Variants in MSRB3 observed in about 807,000 individuals in gnomAD.
MSRB3 encodes the protein methionine sulfoxide reductase B3.
MSRB3 carries 13 observed loss-of-function variants against 21.0 expected under a neutral mutation model. The observed-to-expected ratio is 0.62, with a 90% CI of 0.40 to 0.98. MSRB3 has a LOEUF of 0.98. Ranked by LOEUF, MSRB3 falls within the 50% of genes least tolerant of loss-of-function variation. MSRB3 has a pLI of 0.00. For missense variants in MSRB3, 199 were observed against 230.3 expected (o/e 0.86, Z 0.88); for synonymous variants, 87 against 88.6 (o/e 0.98, Z 0.10).
chr12:65,329,116 A>T lies in MSRB3; in HGVS notation c.263+513A>T, dbSNP rs561085031. Among the ~76,000 whole-genome samples, 56 of 152,346 alleles carry T rather than the reference A, an allele frequency of 3.7e-4. 1 individual carries two copies. Among genetic ancestry groups the T allele is most frequent in the Non-Finnish European group, 7.1e-4 (48 of 68,018 alleles). ...GTAATATGAGGTTAACAGTTTTTGC[A>T]TAGATTCAAAATCTTTATTTTAAAG... On this transcript the variant is annotated intron_variant, in intron 4 of 6. Transcript: ENST00000308259.
intron 5 of MSRB3, among the ~76,000 whole-genome samples, chr12:65,391,972 G>T (rs1174267267): frequency 3.9e-5 from 6 of 152,146 alleles, no homozygotes; most frequent in African/African-American, 1.4e-4. Flanking sequence ...TCAAGGGCCT[G>T]CCTGATTTTC....
At chr12:65,318,560 T>A (rs1264621570) in intron 2 of MSRB3, among the ~76,000 whole-genome samples, 1 of 152,096 alleles carries the variant, frequency 6.6e-6, no homozygotes, top group Non-Finnish European at 1.5e-5. Flanking sequence ...AAAAAAAAAT[T>A]AAAAACAGGG....
At chr12:65,337,026 G>C (rs893427137) in intron 4 of MSRB3, among the ~76,000 whole-genome samples, 5 of 152,082 alleles carry the variant, frequency 3.3e-5, no homozygotes, top group Non-Finnish European at 7.4e-5. Flanking sequence ...GGCGGATCAC[G>C]AGGTCAAGAG....
chr12:65,450,840 A>T (rs1592649224), intron 5 of MSRB3, among the ~76,000 whole-genome samples: 1 of 152,176 alleles, frequency 6.6e-6, no homozygotes, highest in African/African-American at 2.4e-5. Context: ...AGCAGTGAAG[A>T]GTTCCTTCTT....
At chr12:65,404,235 A>G (rs902845842) in intron 5 of MSRB3, among the ~76,000 whole-genome samples, 4 of 152,234 alleles carry the variant, frequency 2.6e-5, no homozygotes, top group African/African-American at 9.6e-5. Context: ...CACTGTGCCC[A>G]GCTCTGGTTA....
At chr12:65,388,263 T>C (rs1879294349) in intron 5 of MSRB3, among the ~76,000 whole-genome samples, 1 of 152,148 alleles carries the variant, frequency 6.6e-6, no homozygotes, top group South Asian at 2.1e-4. Context: ...TTTGGGCCAA[T>C]GAATGAGAAA....
chr12:65,415,647 A>C (rs1880930509), intron 5 of MSRB3, among the ~76,000 whole-genome samples: 2 of 152,190 alleles, frequency 1.3e-5, no homozygotes, highest in African/African-American at 4.8e-5. Context: ...GAATTTAGGG[A>C]AATTGGAATA....
intron 2 of MSRB3, among the ~76,000 whole-genome samples, chr12:65,320,152 A>G (rs890743343): frequency 6.6e-6 from 1 of 152,222 alleles, no homozygotes; most frequent in African/African-American, 2.4e-5. Flanking sequence ...TGTGAAGTAA[A>G]ACAGCAAGAA....
intron 5 of MSRB3, among the ~76,000 whole-genome samples, chr12:65,376,681 G>A (rs1025168076): frequency 6.6e-6 from 1 of 152,104 alleles, no homozygotes; most frequent in African/African-American, 2.4e-5. Flanking sequence ...GGCCCGTCAG[G>A]GGGTGGGGGG....
intron 1 of MSRB3, among the ~76,000 whole-genome samples, chr12:65,303,062 G>A (rs1467427266): frequency 6.6e-6 from 1 of 151,910 alleles, no homozygotes; most frequent in African/African-American, 2.4e-5. Context: ...AAAACTGTTG[G>A]CTCCTACAGT....
intron 4 of MSRB3, among the ~76,000 whole-genome samples, chr12:65,363,509 A>G (rs143067609): frequency 0.011 from 1,727 of 152,318 alleles, 41 homozygotes; most frequent in African/African-American, 0.04. Flanking sequence ...AGCATTCATG[A>G]TACTCGAATT....
At position 65,339,639 on chromosome 12, in the gene MSRB3, G is replaced by T. The variant is rs143942519; in HGVS notation, c.263+11036G>T. Among the ~76,000 whole-genome samples, 67 of 152,162 alleles carry T rather than the reference G, an allele frequency of 4.4e-4. 1 individual carries two copies. In the East Asian group the frequency reaches 9.8e-3, roughly 22 times the overall value. On this transcript the variant is annotated intron_variant, in intron 4 of 6. Coordinates refer to ENST00000308259, the MANE Select transcript of MSRB3 (RefSeq NM_001031679.3). ...AAATAATTGGGAAGAGATGAATTTT[G>T]AATATTTATTTTCTTTGTTTTTAAT...
intron 5 of MSRB3, among the ~76,000 whole-genome samples, chr12:65,374,544 G>A (rs1878493567): frequency 6.6e-6 from 1 of 152,124 alleles, no homozygotes; most frequent in Non-Finnish European, 1.5e-5. Flanking sequence ...TTAAACATAA[G>A]CCAATTTATT....
chr12:65,374,486 C>A (rs985812842), intron 5 of MSRB3, among the ~76,000 whole-genome samples: 1 of 152,158 alleles, frequency 6.6e-6, no homozygotes, highest in Non-Finnish European at 1.5e-5. Context: ...GGAGGCCTAA[C>A]AAGACTAAAA....
At chr12:65,318,925 G>A (rs188954535) in intron 2 of MSRB3, among the ~76,000 whole-genome samples, 110 of 152,200 alleles carry the variant, frequency 7.2e-4, no homozygotes, top group African/African-American at 2.6e-3. Flanking sequence ...ATGAAAGATA[G>A]AAAAGTAAAA....
chr12:65,363,038 G>C (rs1877801718), intron 4 of MSRB3, among the ~76,000 whole-genome samples: 3 of 152,154 alleles, frequency 2.0e-5, no homozygotes, highest in Admixed American at 2.0e-4. Context: ...TCTTGCTGTA[G>C]AGTTGCCATA....
chr12:65,408,008 G>T (rs1880511274), intron 5 of MSRB3, among the ~76,000 whole-genome samples: 2 of 151,102 alleles, frequency 1.3e-5, no homozygotes, highest in South Asian at 2.1e-4. Context: ...TTAAATTCCT[G>T]GTCTGATTAT....
intron 4 of MSRB3, among the ~76,000 whole-genome samples, chr12:65,339,868 G>A (rs577135640): frequency 1.3e-5 from 2 of 152,218 alleles, no homozygotes; most frequent in East Asian, 3.9e-4. Flanking sequence ...AATTGATTAA[G>A]GTGATCTTTC....
chr12:65,348,740 C>G (rs1876711005), intron 4 of MSRB3, among the ~76,000 whole-genome samples: 1 of 152,066 alleles, frequency 6.6e-6, no homozygotes, highest in African/African-American at 2.4e-5. Context: ...ATAAATTTCC[C>G]CCTACACACG....
Sources: gnomAD v4.1 joint callset for allele counts (sites outside exome capture counted in the v4.1 genomes callset) on GRCh38, gnomAD v4.1.1 for gene constraint, MANE v1.5 for transcripts, NCBI Gene and HGNC (gene_info 2026-07-23, HGNC 2026-07-21) for gene names.